The following UBE2E2 variants were observed in gnomAD, a reference collection of about 807,000 sequenced individuals.
UBE2E2 encodes the protein ubiquitin conjugating enzyme E2 E2.
UBE2E2 carries 6 observed loss-of-function variants against 24.7 expected under a neutral mutation model. The observed-to-expected ratio is 0.24, with a 90% CI of 0.13 to 0.48. The LOEUF is 0.48. UBE2E2 is among the 20% of genes least tolerant of loss of function. UBE2E2 has a pLI of 0.99. For missense variants in UBE2E2, 169 were observed against 245.0 expected (o/e 0.69, Z 2.07); for synonymous variants, 104 against 83.6 (o/e 1.24, Z -1.33).
chr3:23,573,930 T>C (rs1050082151), intron 5 of UBE2E2, among the ~76,000 whole-genome samples: 2 of 152,184 alleles, frequency 1.3e-5, no homozygotes, highest in Admixed American at 6.6e-5. Flanking sequence ...GATGACACAC[T>C]GTCATTGAAA....
intron 3 of UBE2E2, among the ~76,000 whole-genome samples, chr3:23,413,151 C>T (rs920813104): frequency 1.5e-4 from 23 of 151,160 alleles, no homozygotes; most frequent in Non-Finnish European, 2.9e-5. Flanking sequence ...ACATATGTAA[C>T]AAGCCTGCAC....
chr3:23,334,871 A>T (rs1181378126), intron 3 of UBE2E2, among the ~76,000 whole-genome samples: 1 of 152,218 alleles, frequency 6.6e-6, no homozygotes, highest in Non-Finnish European at 1.5e-5. Context: ...TATGTGAATT[A>T]TCCAGAATAG....
At chr3:23,485,399 A>C (rs1017317785) in intron 3 of UBE2E2, among the ~76,000 whole-genome samples, 2 of 152,166 alleles carry the variant, frequency 1.3e-5, no homozygotes, top group African/African-American at 4.8e-5. Flanking sequence ...GCCTGGCCTC[A>C]ACACTACCTC....
Position 23,474,497 on chromosome 3 carries a change from AT to A in UBE2E2, c.228-25110del, listed in dbSNP as rs1699087556. On this transcript the variant is annotated intron_variant, in intron 3 of 5. Transcript: ENST00000396703. This position sits in a 1 kb window ranked among gnomAD's most constrained non-coding sequence, Gnocchi z 4.0. ...ATTTCTAATAATCTATCACAAAAAA[AT>A]CATAGAATTATAATGTATAATTTTG... Among the ~76,000 whole-genome samples, 1 of 152,136 alleles carries A rather than the reference AT, an allele frequency of 6.6e-6. No homozygotes were observed. Among genetic ancestry groups the A allele is most frequent in the African/African-American group, 2.4e-5 (1 of 41,350 alleles).
chr3:23,309,018 G>A (rs1391960023), intron 3 of UBE2E2, among the ~76,000 whole-genome samples: 2 of 152,208 alleles, frequency 1.3e-5, no homozygotes, highest in South Asian at 2.1e-4. Context: ...AGAAGAGCAA[G>A]CAAACTGAAT....
intron 3 of UBE2E2, among the ~76,000 whole-genome samples, chr3:23,244,022 A>C (rs13077333): frequency 0.11 from 16,075 of 151,976 alleles, 981 homozygotes; most frequent in East Asian, 0.13. Context: ...GGTTTAAAAA[A>C]ACCTGTACAG....
At chr3:23,585,263 T>C (rs1696593752) in intron 5 of UBE2E2, among the ~76,000 whole-genome samples, 2 of 149,968 alleles carry the variant, frequency 1.3e-5, no homozygotes, top group Non-Finnish European at 2.9e-5. Context: ...TCCCAGCTAC[T>C]CAAGAAGTTG....
intron 5 of UBE2E2, chr3:23,534,263 A>G (rs754350010): frequency 7.2e-6 from 7 of 976,416 alleles, no homozygotes; most frequent in Non-Finnish European, 8.5e-6. Context: ...TTCCTGCTTA[A>G]AGGAATAGAT....
At chr3:23,526,653 A>G (rs1559411898) in intron 4 of UBE2E2, among the ~76,000 whole-genome samples, 1 of 152,172 alleles carries the variant, frequency 6.6e-6, no homozygotes, top group Non-Finnish European at 1.5e-5. Flanking sequence ...TAAACACATA[A>G]CACTTCTTAA....
rs1290041908 is a variant in UBE2E2 at position 23,460,977 on chromosome 3, T to C, written c.228-38631T>C. ...ATTTCTGCAGAAAACCAGTAAGGTT[T>C]TCTTATTTCCATTTTATAGATAAGG... On this transcript the variant is annotated intron_variant, in intron 3 of 5. Transcript: ENST00000396703. Among the ~76,000 whole-genome samples the C allele has an allele frequency of 5.9e-5, 9 of 152,352 alleles. No homozygotes were observed. In the East Asian group the frequency reaches 1.7e-3, roughly 29 times the overall value.
intron 3 of UBE2E2, among the ~76,000 whole-genome samples, chr3:23,314,381 C>T (rs915456488): frequency 6.6e-6 from 1 of 152,146 alleles, no homozygotes; most frequent in Non-Finnish European, 1.5e-5. Flanking sequence ...CCTCTCGCCT[C>T]TACCTCCTAA....
intron 3 of UBE2E2, among the ~76,000 whole-genome samples, chr3:23,279,705 T>A (rs1399548320): frequency 1.3e-5 from 2 of 152,216 alleles, no homozygotes; most frequent in Non-Finnish European, 2.9e-5. Flanking sequence ...TGCTGTTGGC[T>A]GGACCCCCAA....
intron 3 of UBE2E2, among the ~76,000 whole-genome samples, chr3:23,254,276 G>A (rs1247515241): frequency 6.6e-6 from 1 of 152,184 alleles, no homozygotes; most frequent in African/African-American, 2.4e-5. Flanking sequence ...TATTAAATAT[G>A]CCAACTGATG....
In UBE2E2 at chr3:23,303,106, G is replaced by A. The variant is rs114586494; in HGVS notation, c.227+85794G>A. Among the ~76,000 whole-genome samples the A allele has an allele frequency of 2.2e-3, 341 of 152,124 alleles. 3 individuals carry two copies. Among genetic ancestry groups the A allele is most frequent in the African/African-American group, 7.8e-3 (323 of 41,514 alleles). ...GATGGCATTGGATTCTCATAGGAGC[G>A]CAAACTTTATTGTGAACTGTGCATG... is the stretch of plus-strand genomic sequence containing the variant. On this transcript the variant is annotated intron_variant, in intron 3 of 5. Coordinates refer to ENST00000396703, the MANE Select transcript of UBE2E2 (RefSeq NM_152653.4).
intron 3 of UBE2E2, among the ~76,000 whole-genome samples, chr3:23,294,559 A>G (rs1295880308): frequency 1.5e-5 from 1 of 66,436 alleles, no homozygotes; most frequent in Non-Finnish European, 3.3e-5. Context: ...GTATCTTTTT[A>G]TTTTTATCTT....
intron 3 of UBE2E2, among the ~76,000 whole-genome samples, chr3:23,429,369 G>A (rs1186976777): frequency 1.3e-5 from 2 of 152,056 alleles, no homozygotes; most frequent in Non-Finnish European, 2.9e-5. Flanking sequence ...TCATATAATA[G>A]GCGTAAAAAA....
intron 3 of UBE2E2, among the ~76,000 whole-genome samples, chr3:23,274,393 C>T (rs763552436): frequency 6.6e-5 from 10 of 152,156 alleles, no homozygotes; most frequent in Admixed American, 3.3e-4. Context: ...CTCTCTGTTG[C>T]CCACTGTGTT....
intron 3 of UBE2E2, among the ~76,000 whole-genome samples, chr3:23,299,237 C>A (rs1699002759): frequency 6.6e-6 from 1 of 152,088 alleles, no homozygotes; most frequent in Non-Finnish European, 1.5e-5. Flanking sequence ...AAAACCAGCT[C>A]CTGGTTTCAT....
At chr3:23,297,023 T>C (rs1382484573) in intron 3 of UBE2E2, among the ~76,000 whole-genome samples, 1 of 152,248 alleles carries the variant, frequency 6.6e-6, no homozygotes, top group African/African-American at 2.4e-5. Flanking sequence ...AGATGGTATC[T>C]CATTGTGGTT....
Sources: allele counts gnomAD v4.1 joint callset (sites outside exome capture counted in the v4.1 genomes callset), GRCh38; gene constraint gnomAD v4.1.1; non-coding constraint Gnocchi (gnomAD v3.1); transcripts MANE v1.5; gene names NCBI Gene and HGNC (gene_info 2026-07-23, HGNC 2026-07-21).